The following SPTB variants were observed in gnomAD, a reference collection of about 807,000 sequenced individuals.
SPTB encodes spectrin beta, erythrocytic, also known as spectrin beta chain, erythrocytic.
In SPTB, 45 loss-of-function variants were observed where a neutral mutation model predicts 256.2. The observed-to-expected ratio is 0.18, with a 90% confidence interval of 0.14 to 0.23. The LOEUF (loss-of-function observed/expected upper bound fraction) is 0.23. Among genes scored for constraint, SPTB ranks in the 10% least tolerant of loss-of-function variants. SPTB has a pLI of 1.00. For missense variants in SPTB, 2,715 were observed against 3,040.4 expected, an observed-to-expected ratio of 0.89 and a Z score of 2.52; for synonymous variants, 1,231 against 1,243.1, an observed-to-expected ratio of 0.99 and a Z score of 0.21.
In SPTB at chr14:64,779,622, C is replaced by G; in HGVS notation, c.4473+103G>C. ...CCCTATGAGATAAGGGGTGAGGTGA[C>G]CAGTCATCTACTGCCAAAAATTGCT... On this transcript the variant is annotated intron_variant, in intron 21 of 35. Transcript: ENST00000644917. The surrounding 1 kb of genome is among the most constrained non-coding windows in gnomAD (Gnocchi z 4.2). 1 of 1,178,874 alleles carries G rather than the reference C, an allele frequency of 8.5e-7. No homozygotes were observed. Among genetic ancestry groups the G allele is most frequent in the Non-Finnish European group, 1.3e-6 (1 of 787,690 alleles). 73.0% of individuals were successfully genotyped at this position (1,178,874 alleles called of 1,614,324 possible).
chr14:64,830,493 A>G (rs751907028), intron 1 of SPTB, among the ~76,000 whole-genome samples: 4 of 151,850 alleles, frequency 2.6e-5, no homozygotes, highest in Admixed American at 6.6e-5. Flanking sequence ...AAAGCCCTCT[A>G]TCCCACCATA....
In SPTB at chr14:64,804,989, C is replaced by T; in HGVS notation, c.250G>A (p.Asp84Asn). Reference sequence around the variant, plus strand: ...AGCAGCTTGATGAGCATGCGCCCATCCCGCAGGTCCTTGTAGAGATCGGTG... The same window carrying T: ...AGCAGCTTGATGAGCATGCGCCCATTCCGCAGGTCCTTGTAGAGATCGGTG... The part of the protein sequence containing the change: ...RITDLYKDLR[D>N]GRMLIKLLEV... The change falls in exon 3 of 36, where the codon GAT (aspartate) becomes AAT (asparagine). Residue 84 changes from aspartate to asparagine, a missense_variant. This residue lies in a region of SPTB where 416 missense variants were observed against 571.1 expected (regional missense o/e 0.73). Coordinates refer to ENST00000644917, the MANE Select transcript of SPTB (RefSeq NM_001355436.2). 1 of 1,614,206 alleles carries T rather than the reference C, an allele frequency of 6.2e-7. No individual in the cohort carries two copies. The highest frequency in any genetic ancestry group is 8.5e-7 in the Non-Finnish European group (1 of 1,180,048).
intron 23 of SPTB, among the ~76,000 whole-genome samples, 167 bp from the exon 24 acceptor site, chr14:64,774,694 G>C (rs2082331192): frequency 1.3e-5 from 2 of 152,044 alleles, no homozygotes; most frequent in African/African-American, 2.4e-5. Flanking sequence ...TGATTTCCCA[G>C]CAATGCCCGT....
At position 64,826,139 on chromosome 14, in the gene SPTB, G is replaced by T. The variant is rs1430937990; in HGVS notation, c.-51-2994C>A. 6.6e-6 allele frequency among the ~76,000 whole-genome samples: 1 copy of T among 152,226 alleles called. No individual in the cohort carries two copies. Among genetic ancestry groups the T allele is most frequent in the African/African-American group, 2.4e-5 (1 of 41,458 alleles). On this transcript the variant is annotated intron_variant, in intron 1 of 35. Transcript: ENST00000644917. This position sits in a 1 kb window ranked among gnomAD's most constrained non-coding sequence, Gnocchi z 4.4. Reference sequence around the variant, plus strand: ...ATGGCATTCCATCAGAGTCAAGGGGGTCATGGGATGGGCCAGTGCATGCAG... The same window carrying T: ...ATGGCATTCCATCAGAGTCAAGGGGTTCATGGGATGGGCCAGTGCATGCAG...
At chr14:64,794,761 T>G in intron 12 of SPTB, 144 bp from the exon 13 acceptor site, 2 of 1,055,660 alleles carry the variant, frequency 1.9e-6, no homozygotes, top group Non-Finnish European at 2.8e-6. Context: ...CTGCTGAGGA[T>G]GGAAGAAGCT....
At chr14:64,773,718 T>C (rs1049298128) in intron 24 of SPTB, among the ~76,000 whole-genome samples, 2 of 152,180 alleles carry the variant, frequency 1.3e-5, no homozygotes, top group Non-Finnish European at 2.9e-5. Context: ...AACGCCTCCA[T>C]TGTTCTTCCA....
chr14:64,816,156 C>T lies in SPTB; in HGVS notation c.148+6791G>A, dbSNP rs1315232424. Among the ~76,000 whole-genome samples the T allele has an allele frequency of 6.6e-6, 1 of 152,182 alleles. No individual in the cohort carries two copies. Among genetic ancestry groups the T allele is most frequent in the East Asian group, 1.9e-4 (1 of 5,190 alleles). The stretch of plus-strand genomic sequence containing the variant: ...GTACTTTGATGGGCTGGCAGCAGCT[C>T]CTGCCCTCCACCCTCTACTGAAGGC... On this transcript the variant is annotated intron_variant, in intron 2 of 35. Coordinates refer to ENST00000644917, the MANE Select transcript of SPTB (RefSeq NM_001355436.2). This position sits in a 1 kb window ranked among gnomAD's most constrained non-coding sequence, Gnocchi z 4.2.
chr14:64,868,317 G>A (rs79533246), intron 1 of SPTB, among the ~76,000 whole-genome samples: 2 of 150,402 alleles, frequency 1.3e-5, no homozygotes, highest in Admixed American at 6.7e-5. Flanking sequence ...GTGGAAGTAT[G>A]GGGGGGAAAA....
rs1263718598 is a variant in SPTB, at chr14:64,759,507, C to G, written c.6346-5714G>C. The stretch of plus-strand genomic sequence containing the variant: ...TAAGAGGGGATGAGGGGAGGCTGCC[C>G]CCCTGTAAGCAGGCCATGGTCTGAG... On this transcript the variant is annotated intron_variant, in intron 32 of 35. Coordinates refer to ENST00000644917, the MANE Select transcript of SPTB (RefSeq NM_001355436.2). This position sits in a 1 kb window ranked among gnomAD's most constrained non-coding sequence, Gnocchi z 4.8. Among the ~76,000 whole-genome samples, 1 of 152,204 alleles carries G rather than the reference C, an allele frequency of 6.6e-6. No homozygotes were observed. The highest frequency in any genetic ancestry group is 1.5e-5 in the Non-Finnish European group (1 of 68,036).
At position 64,824,836 on chromosome 14, in the gene SPTB, C is replaced by T. The variant is rs1236689488; in HGVS notation, c.-51-1691G>A. On this transcript the variant is annotated intron_variant, in intron 1 of 35. Coordinates refer to ENST00000644917, the MANE Select transcript of SPTB (RefSeq NM_001355436.2). The surrounding 1 kb of genome is among the most constrained non-coding windows in gnomAD (Gnocchi z 5.7). ...GCCTTATTTTTCAGATACAGACTCA[C>T]TTCAGACTGCATTTTCCCCAACCTG... Among the ~76,000 whole-genome samples, 1 of 152,226 alleles carries T rather than the reference C, an allele frequency of 6.6e-6. No homozygotes were observed. Among genetic ancestry groups the T allele is most frequent in the Non-Finnish European group, 1.5e-5 (1 of 68,040 alleles).
intron 32 of SPTB, among the ~76,000 whole-genome samples, chr14:64,765,988 G>A (rs1332864060): frequency 6.6e-6 from 1 of 150,940 alleles, no homozygotes; most frequent in Non-Finnish European, 1.5e-5. Context: ...GTGTGCATGT[G>A]GATGGGTGTG....
At chr14:64,822,559 G>A (rs1370674886) in intron 2 of SPTB, among the ~76,000 whole-genome samples, 1 of 151,962 alleles carries the variant, frequency 6.6e-6, no homozygotes, top group African/African-American at 2.4e-5. Context: ...GAGGACTATG[G>A]TAATTCCTCT....
chr14:64,830,779 T>C (rs1263046054), intron 1 of SPTB, among the ~76,000 whole-genome samples: 1 of 152,116 alleles, frequency 6.6e-6, no homozygotes, highest in African/African-American at 2.4e-5. Flanking sequence ...TTCTAAGCCC[T>C]GCACCATTTG....
Position 64,793,948 on chromosome 14 carries a change from G to C in SPTB, c.1796-81C>G. ...ACGCTTCAGATAAGCTGCTAGGTTGGAACTACACAACCCTGAAGCTGCCAT... is the reference window on the plus strand; with the variant it reads ...ACGCTTCAGATAAGCTGCTAGGTTGCAACTACACAACCCTGAAGCTGCCAT... On this transcript the variant is annotated intron_variant, in intron 13 of 35. Transcript: ENST00000644917. This position sits in a 1 kb window ranked among gnomAD's most constrained non-coding sequence, Gnocchi z 7.0. The C allele has an allele frequency of 6.9e-7, 1 of 1,450,408 alleles. No individual in the cohort carries two copies. The highest frequency in any genetic ancestry group is 9.2e-7 in the Non-Finnish European group (1 of 1,082,708). 89.8% of individuals were successfully genotyped at this position (1,450,408 alleles called of 1,614,324 possible). A position where few individuals can be genotyped will look rare whatever the true frequency, so the allele number is the denominator to read the frequency against.
At position 64,825,863 on chromosome 14, in the gene SPTB, C is replaced by T. The variant is rs2083371504; in HGVS notation, c.-51-2718G>A. Among the ~76,000 whole-genome samples, 1 of 152,252 alleles carries T rather than the reference C, an allele frequency of 6.6e-6. No individual in the cohort carries two copies. ...AGCGGCTCGACAGCAATTCATCCTGCTTAAAAATGCCATCCCTCCTGTGGC... is the reference window on the plus strand; with the variant it reads ...AGCGGCTCGACAGCAATTCATCCTGTTTAAAAATGCCATCCCTCCTGTGGC... On this transcript the variant is annotated intron_variant, in intron 1 of 35. Coordinates refer to ENST00000644917, the MANE Select transcript of SPTB (RefSeq NM_001355436.2). The surrounding 1 kb of genome is among the most constrained non-coding windows in gnomAD (Gnocchi z 4.8).
Position 64,793,091 on chromosome 14 carries a change from CTG to C in SPTB, c.2570_2571del (p.Thr857ArgfsTer4). ...TCTCCCATCCACAGCTCACAGGCGT[CTG>C]TCTCCCCGAACACCGTGTACAGGTC... ...ALDLYTVFGETDACELWMGEK... is the reference protein window; with the variant it reads ...ALDLYTVFGEXDACELWMGEK... On this transcript the variant is annotated frameshift_variant, in exon 14 of 36. Coordinates refer to ENST00000644917, the MANE Select transcript of SPTB (RefSeq NM_001355436.2). LOFTEE classifies it high-confidence loss of function. This position sits in a 1 kb window ranked among gnomAD's most constrained non-coding sequence, Gnocchi z 7.0. The C allele has an allele frequency of 6.2e-7, 1 of 1,614,156 alleles. No individual in the cohort carries two copies.
At position 64,758,169 on chromosome 14, in the gene SPTB, G is replaced by A. The variant is rs949804896; in HGVS notation, c.6346-4376C>T. ...CCCTATCCACCCCTGCCTCCCTGGGGCTTTGCCGAGCAATTATTGTGGCCA... is the reference window on the plus strand; with the variant it reads ...CCCTATCCACCCCTGCCTCCCTGGGACTTTGCCGAGCAATTATTGTGGCCA... On this transcript the variant is annotated intron_variant, in intron 32 of 35. Coordinates refer to ENST00000644917, the MANE Select transcript of SPTB (RefSeq NM_001355436.2). The surrounding 1 kb of genome is among the most constrained non-coding windows in gnomAD (Gnocchi z 4.6). Among the ~76,000 whole-genome samples, 1 of 152,208 alleles carries A rather than the reference G, an allele frequency of 6.6e-6. No homozygotes were observed. Among genetic ancestry groups the A allele is most frequent in the Non-Finnish European group, 1.5e-5 (1 of 68,038 alleles).
At chr14:64,862,058 T>C (rs1472295919) in intron 1 of SPTB, among the ~76,000 whole-genome samples, 2 of 152,162 alleles carry the variant, frequency 1.3e-5, no homozygotes, top group African/African-American at 4.8e-5. Flanking sequence ...AGCTGTCAAA[T>C]CGACACCCCC....
intron 1 of SPTB, among the ~76,000 whole-genome samples, chr14:64,877,295 C>T (rs1460048031): frequency 6.6e-6 from 1 of 152,072 alleles, no homozygotes; most frequent in Non-Finnish European, 1.5e-5. Context: ...ATTTTTTAAG[C>T]TCCTCTGATA....
Sources: gnomAD v4.1 joint callset for allele counts (sites outside exome capture counted in the v4.1 genomes callset) on GRCh38, gnomAD v4.1.1 for gene constraint, gnomAD v4.1.1 regional missense constraint, Gnocchi (gnomAD v3.1) non-coding constraint, MANE v1.5 for transcripts, NCBI Gene and HGNC (gene_info 2026-07-23, HGNC 2026-07-21) for gene names.